The following STXBP5 variants were observed in gnomAD, a reference collection of about 807,000 sequenced individuals.
STXBP5 encodes syntaxin-binding protein 5.
In STXBP5, 50 loss-of-function variants were observed where a neutral mutation model predicts 152.4. That is an observed-to-expected ratio of 0.33 (90% CI 0.26 to 0.42). The LOEUF (loss-of-function observed/expected upper bound fraction) is 0.42. Ranked by LOEUF, STXBP5 falls within the 10% of genes least tolerant of loss-of-function variation. The pLI is 1.00. For missense variants in STXBP5, 1,167 were observed against 1,388.6 expected, an observed-to-expected ratio of 0.84 and a Z score of 2.54; for synonymous variants, 492 against 494.7, an observed-to-expected ratio of 0.99 and a Z score of 0.07.
At chr6:147,356,453 TAATA>T (rs1207930235) in intron 22 of STXBP5, among the ~76,000 whole-genome samples, 1 of 151,796 alleles carries the variant, frequency 6.6e-6, no homozygotes, top group Non-Finnish European at 1.5e-5. Flanking sequence ...CATAAAGAGT[TAATA>T]AATATTTGTA....
At position 147,204,784 on chromosome 6, in the gene STXBP5, CAATAAT is replaced by C. The variant is rs1041618786; in HGVS notation, c.150+114_150+119del. 23 of 1,199,476 alleles carry C rather than the reference CAATAAT, an allele frequency of 1.9e-5. No homozygotes were observed. The Middle Eastern group carries it at 8.6e-4, about 45-fold the overall frequency. The allele number at this position is 1,199,476 out of a possible 1,614,324, so 74.3% of individuals were successfully genotyped here. A position where few individuals can be genotyped will look rare whatever the true frequency, so the allele number is the denominator to read the frequency against. On this transcript the variant is annotated intron_variant, in intron 1 of 27. Coordinates refer to ENST00000321680, the MANE Select transcript of STXBP5 (RefSeq NM_001127715.4). This position sits in a 1 kb window ranked among gnomAD's most constrained non-coding sequence, Gnocchi z 4.3. ...ATGGGAATGCAAGGGAAGAGAACGC[CAATAAT>C]AATAATAATAACTCTAATAAAAGGC...
In STXBP5 at chr6:147,206,977, G is replaced by C. The variant is rs544736432; in HGVS notation, c.248+909G>C. Among the ~76,000 whole-genome samples, 4 of 149,146 alleles carry C rather than the reference G, an allele frequency of 2.7e-5. No individual in the cohort carries two copies. The East Asian group carries it at 8.0e-4, about 30-fold the overall frequency. ...ATATCTACCTCCTGCATATTAATGA[G>C]TAATGTGTTGGTGATAAATAGAAAA... is the stretch of plus-strand genomic sequence containing the variant. On this transcript the variant is annotated intron_variant, in intron 2 of 27. Transcript: ENST00000321680.
intron 25 of STXBP5, among the ~76,000 whole-genome samples, chr6:147,370,375 A>C (rs1363913624): frequency 6.6e-6 from 1 of 152,040 alleles, no homozygotes; most frequent in African/African-American, 2.4e-5. Flanking sequence ...TGTACACCTC[A>C]AATATATGCC....
rs938776559 is a variant in STXBP5, at chr6:147,363,514, A to G, written c.2725A>G (p.Ile909Val). The G allele has an allele frequency of 1.9e-6, 3 of 1,614,160 alleles. No homozygotes were observed. Among genetic ancestry groups the G allele is most frequent in the African/African-American group, 2.7e-5 (2 of 75,048 alleles). Residue 909 changes from isoleucine to valine, a missense_variant, in exon 24 of 28, where the codon ATT becomes GTT. This residue lies in a region of STXBP5 where 833 missense variants were observed against 986.3 expected (regional missense o/e 0.84). Coordinates refer to ENST00000321680, the MANE Select transcript of STXBP5 (RefSeq NM_001127715.4). The stretch of plus-strand genomic sequence containing the variant: ...AGTATCCCCCTCCTCTTCTCAGGAA[A>G]TTAGTGAAAACCAGTATGCAGTGAT... The part of the protein sequence containing the change: ...VSVSPSSSQE[I>V]SENQYAVICS...
At chr6:147,229,275 TA>T (rs1777877966) in intron 2 of STXBP5, among the ~76,000 whole-genome samples, 1 of 152,084 alleles carries the variant, frequency 6.6e-6, no homozygotes, top group African/African-American at 2.4e-5. Context: ...TTGCTTGCCT[TA>T]AATTCATTGC....
chr6:147,308,910 A>C (rs1358865607), intron 9 of STXBP5, among the ~76,000 whole-genome samples: 2 of 152,164 alleles, frequency 1.3e-5, no homozygotes, highest in African/African-American at 2.4e-5. Flanking sequence ...AATAATTAAA[A>C]GTAGGTGACT....
chr6:147,367,513 C>T (rs577924676), intron 25 of STXBP5, among the ~76,000 whole-genome samples: 73 of 152,226 alleles, frequency 4.8e-4, no homozygotes, highest in Middle Eastern at 3.4e-3. Context: ...TGGTGGGTGC[C>T]TGTAGTCCCA....
intron 9 of STXBP5, among the ~76,000 whole-genome samples, chr6:147,301,652 A>G (rs1420208379): frequency 6.6e-6 from 1 of 152,202 alleles, no homozygotes; most frequent in Non-Finnish European, 1.5e-5. Flanking sequence ...ATTTTCTCCC[A>G]GTCTTAATCC....
At chr6:147,383,151 A>G (rs1333800604) in intron 27 of STXBP5, among the ~76,000 whole-genome samples, 153 bp downstream of exon 27, 1 of 152,096 alleles carries the variant, frequency 6.6e-6, no homozygotes, top group East Asian at 1.9e-4. Flanking sequence ...ACCAGAGGGA[A>G]CCATTACAGG....
intron 2 of STXBP5, among the ~76,000 whole-genome samples, chr6:147,234,789 C>T (rs891796659): frequency 6.6e-6 from 1 of 151,874 alleles, no homozygotes; most frequent in African/African-American, 2.4e-5. Context: ...AAAAATTACA[C>T]TGCAGAAATG....
chr6:147,261,357 C>T (rs1035038135), intron 5 of STXBP5, among the ~76,000 whole-genome samples: 1 of 151,954 alleles, frequency 6.6e-6, no homozygotes, highest in Non-Finnish European at 1.5e-5. Flanking sequence ...ACTCTTCACT[C>T]TGTCTTAAAT....
At chr6:147,278,326 T>C (rs1210631168) in intron 8 of STXBP5, 122 bp downstream of exon 8, 2 of 1,000,552 alleles carry the variant, frequency 2.0e-6, no homozygotes, top group African/African-American at 3.3e-5. Context: ...CTTCTGTTTT[T>C]AGGGAATTAA....
chr6:147,288,528 G>A (rs1464398749), intron 8 of STXBP5, among the ~76,000 whole-genome samples: 1 of 152,112 alleles, frequency 6.6e-6, no homozygotes, highest in African/African-American at 2.4e-5. Flanking sequence ...TAGTGGCTTG[G>A]TCATTCTCCA....
intron 2 of STXBP5, among the ~76,000 whole-genome samples, chr6:147,232,758 A>G (rs1316942921): frequency 1.3e-5 from 2 of 151,844 alleles, no homozygotes; most frequent in African/African-American, 4.8e-5. Flanking sequence ...CTTATTGTTT[A>G]TTAAGAAATT....
intron 7 of STXBP5, among the ~76,000 whole-genome samples, chr6:147,272,844 C>A (rs116750484): frequency 6.6e-6 from 1 of 151,822 alleles, no homozygotes; most frequent in African/African-American, 2.4e-5. Flanking sequence ...ATCTTTGCAC[C>A]CTTGAGCTTT....
intron 7 of STXBP5, among the ~76,000 whole-genome samples, chr6:147,277,735 A>G (rs1465927279): frequency 6.6e-6 from 1 of 152,148 alleles, no homozygotes; most frequent in African/African-American, 2.4e-5. Context: ...CTATTGGGAC[A>G]CTGGTTGTAA....
intron 26 of STXBP5, among the ~76,000 whole-genome samples, chr6:147,375,256 A>G (rs1403564724): frequency 1.3e-5 from 2 of 152,138 alleles, no homozygotes; most frequent in Non-Finnish European, 2.9e-5. Context: ...CTACAAAATA[A>G]TTATCATAAT....
intron 9 of STXBP5, among the ~76,000 whole-genome samples, chr6:147,296,334 C>T (rs755699564): frequency 2.0e-5 from 3 of 152,154 alleles, no homozygotes; most frequent in East Asian, 1.9e-4. Flanking sequence ...TTGCCACAGA[C>T]GTCTACAACC....
chr6:147,356,311 G>T (rs977605195), intron 22 of STXBP5, among the ~76,000 whole-genome samples: 10 of 151,604 alleles, frequency 6.6e-5, no homozygotes, highest in African/African-American at 2.2e-4. Context: ...TCATATCATT[G>T]TTTTCTATTA....
Sources: gnomAD v4.1 joint callset for allele counts (sites outside exome capture counted in the v4.1 genomes callset) on GRCh38, gnomAD v4.1.1 for gene constraint, gnomAD v4.1.1 regional missense constraint, Gnocchi (gnomAD v3.1) non-coding constraint, MANE v1.5 for transcripts, NCBI Gene and HGNC (gene_info 2026-07-23, HGNC 2026-07-21) for gene names.